Variants in SDK1 observed in about 807,000 individuals in gnomAD.
The protein encoded by SDK1 is sidekick cell adhesion molecule 1, also known as protein sidekick-1.
Under a neutral mutation model 245.5 loss-of-function variants are expected in SDK1, and 157 were observed. The ratio of observed to expected loss-of-function variants is 0.64; its 90% CI spans 0.56 to 0.73. SDK1 has a LOEUF of 0.73. SDK1 is among the 30% of genes least tolerant of loss of function. SDK1 has a pLI of 0.00. For missense variants in SDK1, 3,583 were observed against 3,002.3 expected (o/e 1.19, Z -4.52); for synonymous variants, 1,647 against 1,278.5 (o/e 1.29, Z -6.15).
At chr7:3,968,573 C>A (rs548736138) in intron 10 of SDK1, among the ~76,000 whole-genome samples, 1 of 152,260 alleles carries the variant, frequency 6.6e-6, no homozygotes, top group East Asian at 1.9e-4. Context: ...TAATTTTGAA[C>A]ATAATAGCTT....
chr7:3,581,142 A>T, intron 1 of SDK1, among the ~76,000 whole-genome samples: 1 of 152,182 alleles, frequency 6.6e-6, no homozygotes, highest in Admixed American at 6.5e-5. Flanking sequence ...GCTTTTGCAG[A>T]GCAAAATAAA....
At chr7:3,984,071 C>T (rs1019144153) in intron 13 of SDK1, among the ~76,000 whole-genome samples, 5 of 152,140 alleles carry the variant, frequency 3.3e-5, no homozygotes, top group Non-Finnish European at 5.9e-5. Context: ...CAGGCTGTTG[C>T]GACCGTTTTT....
At chr7:3,648,031 C>A (rs1782902541) in intron 4 of SDK1, among the ~76,000 whole-genome samples, 2 of 151,940 alleles carry the variant, frequency 1.3e-5, no homozygotes, top group East Asian at 3.9e-4. Flanking sequence ...AGTTGAAAAC[C>A]CCATACATTT....
rs774536015 is a variant in SDK1 at position 4,049,444 on chromosome 7, G to C, written c.2699G>C (p.Gly900Ala). 6.2e-7 allele frequency: 1 copy of C among 1,613,750 alleles called. No individual in the cohort carries two copies. Among genetic ancestry groups the C allele is most frequent in the Non-Finnish European group, 8.5e-7 (1 of 1,179,658 alleles). ...WNPPPQQFIN[G>A]INQGYKLLAW... The stretch of plus-strand genomic sequence containing the variant: ...CCTCCGCCTCAGCAGTTTATCAATG[G>C]CATCAACCAGGGATACAAGGTACGT... Residue 900 changes from glycine (G) to alanine (A), a missense_variant, in exon 18 of 45, where the codon GGC becomes GCC. Transcript: ENST00000404826.
At chr7:4,163,347 C>T (rs888455358) in intron 32 of SDK1, among the ~76,000 whole-genome samples, 2 of 152,140 alleles carry the variant, frequency 1.3e-5, no homozygotes, top group Non-Finnish European at 1.5e-5. Flanking sequence ...AATGATGGTT[C>T]GGGAAGTCAG....
chr7:3,843,902 A>G lies in SDK1; in HGVS notation c.847+22319A>G, dbSNP rs145799784. Among the ~76,000 whole-genome samples the G allele has an allele frequency of 2.0e-5, 3 of 152,348 alleles. No individual in the cohort carries two copies. In the South Asian group the frequency reaches 6.2e-4, roughly 32 times the overall value. On this transcript the variant is annotated intron_variant, in intron 5 of 44. Transcript: ENST00000404826. ...GTATATGAAGGTTTATGGTAATATT[A>G]TGTTGATCAAACATTTTCTTAGCCC...
At chr7:3,521,852 A>G (rs1375757790) in intron 1 of SDK1, among the ~76,000 whole-genome samples, 1 of 152,198 alleles carries the variant, frequency 6.6e-6, no homozygotes, top group Admixed American at 6.5e-5. Context: ...TTTCAATTTG[A>G]ATTCCTGAAA....
intron 44 of SDK1, among the ~76,000 whole-genome samples, chr7:4,246,756 C>T (rs567300399): frequency 3.3e-5 from 5 of 152,244 alleles, no homozygotes; most frequent in Admixed American, 6.5e-5. Flanking sequence ...ATGGCTTCCC[C>T]GAGGGAGTGT....
Position 3,661,210 on chromosome 7 carries a change from T to G in SDK1, c.713+19105T>G, listed in dbSNP as rs376374587. On this transcript the variant is annotated intron_variant, in intron 4 of 44. Coordinates refer to ENST00000404826, the MANE Select transcript of SDK1 (RefSeq NM_152744.4). The stretch of plus-strand genomic sequence containing the variant: ...GAACAACTAATTGACTATACATAAC[T>G]TTATTAACTTTTTTCATATATTTTT... Among the ~76,000 whole-genome samples, 12 of 152,344 alleles carry G rather than the reference T, an allele frequency of 7.9e-5. No individual in the cohort carries two copies. In the East Asian group the frequency reaches 2.3e-3, roughly 29 times the overall value.
intron 1 of SDK1, among the ~76,000 whole-genome samples, chr7:3,582,337 C>T (rs1172213345): frequency 3.4e-5 from 5 of 147,788 alleles, no homozygotes; most frequent in Non-Finnish European, 6.0e-5. Flanking sequence ...AGGTCTGTCT[C>T]AGGTAGGTCT....
chr7:4,180,739 G>T (rs1422419667), intron 35 of SDK1, among the ~76,000 whole-genome samples: 1 of 152,206 alleles, frequency 6.6e-6, no homozygotes, highest in South Asian at 2.1e-4. Flanking sequence ...GAAGGCGAAG[G>T]GGGAGCAGGC....
At chr7:3,446,212 A>G (rs904698304) in intron 1 of SDK1, among the ~76,000 whole-genome samples, 1 of 152,082 alleles carries the variant, frequency 6.6e-6, no homozygotes, top group African/African-American at 2.4e-5. Context: ...AGCAGCTACT[A>G]TGTGCTTGGC....
intron 38 of SDK1, among the ~76,000 whole-genome samples, chr7:4,215,184 C>G (rs951458763): frequency 6.6e-6 from 1 of 152,194 alleles, no homozygotes. Flanking sequence ...AGAACGTGGA[C>G]CAAGAGAGGA....
chr7:4,185,788 A>G (rs1393393611), intron 35 of SDK1, among the ~76,000 whole-genome samples: 1 of 152,012 alleles, frequency 6.6e-6, no homozygotes, highest in Non-Finnish European at 1.5e-5. Flanking sequence ...AGAACATAGA[A>G]AACATTCTGA....
chr7:3,338,972 G>C (rs1251799407), intron 1 of SDK1, among the ~76,000 whole-genome samples: 2 of 152,120 alleles, frequency 1.3e-5, no homozygotes, highest in African/African-American at 4.8e-5. Context: ...CTAATAATTG[G>C]CTTAAATATA....
At chr7:3,376,238 T>G (rs975617339) in intron 1 of SDK1, among the ~76,000 whole-genome samples, 1 of 152,146 alleles carries the variant, frequency 6.6e-6, no homozygotes, top group African/African-American at 2.4e-5. Flanking sequence ...AATATTTAAA[T>G]GTAAAAATGG....
At chr7:3,732,463 A>G (rs1279165038) in intron 4 of SDK1, among the ~76,000 whole-genome samples, 4 of 152,328 alleles carry the variant, frequency 2.6e-5, no homozygotes, top group South Asian at 2.1e-4. Context: ...TCCAATTCAT[A>G]TTTATAGCAT....
chr7:3,744,710 G>T (rs1379416838), intron 4 of SDK1, among the ~76,000 whole-genome samples: 1 of 152,004 alleles, frequency 6.6e-6, no homozygotes, highest in Non-Finnish European at 1.5e-5. Context: ...TACTCGGGAG[G>T]CTGAGGCAGG....
At chr7:3,435,753 A>T (rs531523480) in intron 1 of SDK1, among the ~76,000 whole-genome samples, 1 of 152,208 alleles carries the variant, frequency 6.6e-6, no homozygotes, top group South Asian at 2.1e-4. Flanking sequence ...CCTGTCTTCT[A>T]AGGGACATCT....
Sources: gnomAD v4.1 joint callset for allele counts (sites outside exome capture counted in the v4.1 genomes callset) on GRCh38, gnomAD v4.1.1 for gene constraint, MANE v1.5 for transcripts, NCBI Gene and HGNC (gene_info 2026-07-23, HGNC 2026-07-21) for gene names.